TENM3: variants seen among roughly 807,000 people sequenced by gnomAD.
TENM3 encodes the protein teneurin transmembrane protein 3, also known as teneurin-3.
A neutral mutation model predicts 255.1 loss-of-function variants in TENM3; 63 were observed. The ratio of observed to expected loss-of-function variants is 0.25; its 90% confidence interval spans 0.20 to 0.30. The LOEUF (loss-of-function observed/expected upper bound fraction) is 0.30. Ranked by LOEUF, TENM3 falls within the 10% of genes least tolerant of loss-of-function variation. The pLI is 1.00. For missense variants in TENM3, 2,929 were observed against 3,461.1 expected (o/e 0.85, Z 3.86); for synonymous variants, 1,306 against 1,322.3 (o/e 0.99, Z 0.27).
At chr4:181,450,718 C>T in the TENM3 span, among the ~76,000 whole-genome samples, 1 of 152,178 alleles carries the variant, frequency 6.6e-6, no homozygotes, top group Non-Finnish European at 1.5e-5. Context: ...CATCAGACTG[C>T]ACCTCTTGAA....
the TENM3 span, among the ~76,000 whole-genome samples, chr4:181,961,891 A>AAACT: frequency 6.6e-6 from 1 of 152,180 alleles, no homozygotes; most frequent in Non-Finnish European, 1.5e-5. Flanking sequence ...TTATAATGGC[A>AAACT]AACTACTAAT....
intron 1 of TENM3, among the ~76,000 whole-genome samples, chr4:182,255,899 G>A (rs1230843022): frequency 1.3e-5 from 2 of 152,078 alleles, no homozygotes; most frequent in East Asian, 1.9e-4. Flanking sequence ...ACTACACCAC[G>A]TCTTAACTCT....
At chr4:182,008,151 T>C in the TENM3 span, among the ~76,000 whole-genome samples, 1 of 152,166 alleles carries the variant, frequency 6.6e-6, no homozygotes, top group Non-Finnish European at 1.5e-5. Flanking sequence ...TGGCTGCCCT[T>C]AACAGTTTTT....
chr4:182,159,873 A>C (rs1362237300), intron 1 of TENM3, among the ~76,000 whole-genome samples: 1 of 152,216 alleles, frequency 6.6e-6, no homozygotes, highest in Non-Finnish European at 1.5e-5. Flanking sequence ...TTATATGAAA[A>C]AGACGGAAAG....
At chr4:181,678,841 C>CAAAA in the TENM3 span, among the ~76,000 whole-genome samples, 7,249 of 102,582 alleles carry the variant, frequency 0.071, 213 homozygotes, top group East Asian at 0.15. Flanking sequence ...ATGTTTTAAA[C>CAAAA]AAAAAAAAAA....
At chr4:182,276,982 A>G (rs1359295623) in intron 1 of TENM3, among the ~76,000 whole-genome samples, 1 of 152,236 alleles carries the variant, frequency 6.6e-6, no homozygotes, top group Non-Finnish European at 1.5e-5. Flanking sequence ...AATATGAAGG[A>G]TAGTATGGAA....
rs193269145 is a variant in TENM3 at position 182,151,973 on chromosome 4, G to T, written c.-76+7219G>T. Among the ~76,000 whole-genome samples the T allele has an allele frequency of 6.6e-5, 10 of 151,998 alleles. No homozygotes were observed. The East Asian group carries it at 1.9e-3, about 29-fold the overall frequency. The stretch of plus-strand genomic sequence containing the variant: ...TCACAAAAATAAGGCACTCTTAAAA[G>T]GATATGGCTGAATTTTATGATGGTA... On this transcript the variant is annotated intron_variant, in intron 1 of 2. Coordinates refer to the TENM3 transcript ENST00000512480.
the TENM3 span, among the ~76,000 whole-genome samples, chr4:181,960,463 G>A: frequency 6.6e-6 from 1 of 152,152 alleles, no homozygotes; most frequent in Admixed American, 6.5e-5. Flanking sequence ...TTAAATCGAA[G>A]TCAAGTCACA....
At chr4:181,498,735 T>A in the TENM3 span, among the ~76,000 whole-genome samples, 1 of 152,154 alleles carries the variant, frequency 6.6e-6, no homozygotes, top group African/African-American at 2.4e-5. Context: ...GACAATTTCA[T>A]GAACACGAAA....
At chr4:181,486,540 C>A in the TENM3 span, among the ~76,000 whole-genome samples, 1 of 152,194 alleles carries the variant, frequency 6.6e-6, no homozygotes, top group Non-Finnish European at 1.5e-5. Flanking sequence ...TTATCTTCAG[C>A]TAAATGAATC....
Position 182,775,047 on chromosome 4 carries a change from A to G in TENM3, c.5198A>G (p.Lys1733Arg). The change falls in exon 24 of 28, where the codon AAA (lysine) becomes AGA (arginine). Residue 1733 changes from lysine (K) to arginine (R), a missense_variant. Physicochemically the swap from Lys to Arg is conservative, Grantham distance 26 (BLOSUM62 2). Transcript: ENST00000511685. Reference sequence around the variant, plus strand: ...GGCACCGCTAATCCGACGGTTGCCAAAAGAAACATGACTTTGCCTGGCGAG... The same window carrying G: ...GGCACCGCTAATCCGACGGTTGCCAGAAGAAACATGACTTTGCCTGGCGAG... ...LAGTANPTVAKRNMTLPGENG... is the reference protein window; with the variant it reads ...LAGTANPTVARRNMTLPGENG... The G allele has an allele frequency of 6.2e-7, 1 of 1,614,044 alleles. No individual in the cohort carries two copies. Among genetic ancestry groups the G allele is most frequent in the Middle Eastern group, 1.6e-4 (1 of 6,062 alleles).
the TENM3 span, among the ~76,000 whole-genome samples, chr4:181,845,859 G>A: frequency 4.8e-4 from 73 of 152,280 alleles, 1 homozygote; most frequent in South Asian, 0.014. Context: ...ACTGGAAGAG[G>A]GCAAATGTGC....
At chr4:181,835,579 G>A in the TENM3 span, among the ~76,000 whole-genome samples, 1 of 152,122 alleles carries the variant, frequency 6.6e-6, no homozygotes, top group African/African-American at 2.4e-5. Context: ...ATCATTTCCA[G>A]GTTGCTTGGT....
chr4:181,712,241 G>A, the TENM3 span, among the ~76,000 whole-genome samples: 1 of 152,070 alleles, frequency 6.6e-6, no homozygotes, highest in African/African-American at 2.4e-5. Flanking sequence ...ATCTCATGTT[G>A]AACTATAATC....
chr4:182,161,795 ATATATATACACATATATATG>A lies in TENM3; in HGVS notation c.-76+17050_-76+17069del, dbSNP rs1751291306. Among the ~76,000 whole-genome samples, 5 of 44,744 alleles carry A rather than the reference ATATATATACACATATATATG, an allele frequency of 1.1e-4. 1 individual carries two copies. Among genetic ancestry groups the A allele is most frequent in the Non-Finnish European group, 1.5e-4 (4 of 26,270 alleles). 29.4% of individuals were successfully genotyped at this position (44,744 alleles called of 152,430 possible). ...TATATATATATACACAAATATATGT[ATATATATACACATATATATG>A]TATATATATACACATATATATGTGT... On this transcript the variant is annotated intron_variant, in intron 1 of 2. Coordinates refer to the TENM3 transcript ENST00000512480.
intron 3 of TENM3, among the ~76,000 whole-genome samples, chr4:182,432,437 G>A (rs1465430261): frequency 2.6e-5 from 4 of 152,166 alleles, no homozygotes; most frequent in Non-Finnish European, 5.9e-5. Context: ...GATATACAAC[G>A]TTATTCCACC....
chr4:182,578,449 G>A (rs983457004), intron 3 of TENM3, among the ~76,000 whole-genome samples: 15 of 151,948 alleles, frequency 9.9e-5, no homozygotes, highest in Non-Finnish European at 1.6e-4. Flanking sequence ...AGGTTTTTAT[G>A]TTTGTTTTTA....
At chr4:181,470,117 A>AAAAC in the TENM3 span, among the ~76,000 whole-genome samples, 2 of 122,192 alleles carry the variant, frequency 1.6e-5, no homozygotes, top group Non-Finnish European at 3.7e-5. Context: ...GTAAAAAAAA[A>AAAAC]AAAAAAAACA....
chr4:182,226,014 A>C (rs1298427598), intron 1 of TENM3, among the ~76,000 whole-genome samples: 1 of 152,202 alleles, frequency 6.6e-6, no homozygotes, highest in African/African-American at 2.4e-5. Context: ...AATTACCCTG[A>C]GTATTTTATA....
Sources: gnomAD v4.1 joint callset for allele counts (sites outside exome capture counted in the v4.1 genomes callset) on GRCh38, gnomAD v4.1.1 for gene constraint, MANE v1.5 for transcripts, NCBI Gene and HGNC (gene_info 2026-07-23, HGNC 2026-07-21) for gene names.